Variants in ITGAV observed in about 807,000 individuals in gnomAD.
ITGAV encodes integrin alpha-V.
Under a neutral mutation model 143.8 loss-of-function variants are expected in ITGAV, and 76 were observed. The observed-to-expected ratio is 0.53, with a 90% confidence interval of 0.44 to 0.64. The LOEUF (loss-of-function observed/expected upper bound fraction) is 0.64. Ranked by LOEUF, ITGAV falls within the 30% of genes least tolerant of loss-of-function variation. The pLI is 0.00. For synonymous variants in ITGAV, 453 were observed against 446.7 expected, an observed-to-expected ratio of 1.01 and a Z score of -0.18; for missense variants, 1,193 against 1,274.7, an observed-to-expected ratio of 0.94 and a Z score of 0.98.
At position 186,677,469 on chromosome 2, in the gene ITGAV, A is replaced by G. The variant is rs959164449; in HGVS notation, c.*177A>G. ...ACCTTCTCCTTATAAATAAGTTCAG[A>G]CATACATTTAATAACATAGGGTGAC... On this transcript the variant is annotated 3_prime_UTR_variant, in exon 30 of 30. Coordinates refer to ENST00000261023, the MANE Select transcript of ITGAV (RefSeq NM_002210.5). 1.8e-6 allele frequency: 1 copy of G among 554,304 alleles called. No homozygotes were observed. The allele number at this position is 554,304 out of a possible 1,614,324, so 34.3% of individuals were successfully genotyped here.
chr2:186,615,857 C>G (rs537025533), intron 2 of ITGAV, among the ~76,000 whole-genome samples: 1 of 152,078 alleles, frequency 6.6e-6, no homozygotes, highest in East Asian at 1.9e-4. Flanking sequence ...TTTTGGTTTT[C>G]TAAATCATTG....
rs1202579291 is a variant in ITGAV at position 186,617,098 on chromosome 2, A to T, written c.317-5241A>T. On this transcript the variant is annotated intron_variant, in intron 2 of 29. Transcript: ENST00000261023. ...AATTATTTCATTATTCATAAAAGTCATAGTGATAAATAGGAACCAAGTGAC... is the reference window on the plus strand; with the variant it reads ...AATTATTTCATTATTCATAAAAGTCTTAGTGATAAATAGGAACCAAGTGAC... Among the ~76,000 whole-genome samples, 3 of 151,910 alleles carry T rather than the reference A, an allele frequency of 2.0e-5. No individual in the cohort carries two copies. In the East Asian group the frequency reaches 5.8e-4, roughly 29 times the overall value.
intron 1 of ITGAV, among the ~76,000 whole-genome samples, chr2:186,595,397 G>C (rs1017443152): frequency 1.3e-5 from 2 of 152,180 alleles, no homozygotes; most frequent in African/African-American, 4.8e-5. Flanking sequence ...AGTTTGGATA[G>C]GGAGTGCATC....
At chr2:186,671,642 C>T (rs1020124089) in intron 26 of ITGAV, among the ~76,000 whole-genome samples, 1 of 152,192 alleles carries the variant, frequency 6.6e-6, no homozygotes, top group Admixed American at 6.5e-5. Flanking sequence ...ACAAAATTAA[C>T]CATTTTAATG....
intron 6 of ITGAV, among the ~76,000 whole-genome samples, chr2:186,633,818 T>C (rs1687882514): frequency 6.6e-6 from 1 of 152,090 alleles, no homozygotes; most frequent in Admixed American, 6.6e-5. Context: ...ATTTAAGTCA[T>C]TATTTTATTA....
chr2:186,598,724 C>A (rs935977805), intron 1 of ITGAV, among the ~76,000 whole-genome samples: 4 of 152,136 alleles, frequency 2.6e-5, no homozygotes, highest in African/African-American at 9.7e-5. Context: ...CCACTGTGCC[C>A]AACCTCTTTT....
At chr2:186,658,888 C>G (rs949811050) in intron 17 of ITGAV, 150 bp from the exon 18 acceptor site, 3 of 542,194 alleles carry the variant, frequency 5.5e-6, no homozygotes, top group African/African-American at 1.9e-5. Context: ...TTTGGATATT[C>G]TATTTCTACA....
chr2:186,591,608 TCTA>T (rs1686618332), intron 1 of ITGAV, among the ~76,000 whole-genome samples: 1 of 152,190 alleles, frequency 6.6e-6, no homozygotes, highest in South Asian at 2.1e-4. Flanking sequence ...AGGACCATCT[TCTA>T]CTACACACAT....
At position 186,656,358 on chromosome 2, in the gene ITGAV, G is replaced by C; in HGVS notation, c.1676G>C (p.Arg559Thr). The C allele has an allele frequency of 6.4e-7, 1 of 1,551,796 alleles. No individual in the cohort carries two copies. Among genetic ancestry groups the C allele is most frequent in the South Asian group, 1.2e-5 (1 of 80,130 alleles). The change falls in exon 17 of 30, where the codon AGG becomes ACG. Residue 559 changes from arginine (R) to threonine (T), a missense_variant. Transcript: ENST00000261023. Reference sequence around the variant, plus strand: ...CACTCCAAGAACATGACTATTTCAAGGGGGGGACTGATGCAGTGTGAGGAA... The same window carrying C: ...CACTCCAAGAACATGACTATTTCAACGGGGGGACTGATGCAGTGTGAGGAA... ...PSHSKNMTIS[R>T]GGLMQCEELI...
chr2:186,649,268 T>C (rs1425084429), intron 13 of ITGAV, among the ~76,000 whole-genome samples: 1 of 151,934 alleles, frequency 6.6e-6, no homozygotes, highest in Non-Finnish European at 1.5e-5. Flanking sequence ...AATCTGTTTT[T>C]ATTTTTTTTT....
intron 2 of ITGAV, among the ~76,000 whole-genome samples, chr2:186,615,569 A>G (rs1687330837): frequency 6.6e-6 from 1 of 152,082 alleles, no homozygotes; most frequent in African/African-American, 2.4e-5. Context: ...AATGTTGAAC[A>G]TCTTTTCTTG....
chr2:186,641,904 G>A lies in ITGAV; in HGVS notation c.1159+316G>A, dbSNP rs1468127639. Among the ~76,000 whole-genome samples, 4 of 152,098 alleles carry A rather than the reference G, an allele frequency of 2.6e-5. No individual in the cohort carries two copies. The East Asian group carries it at 7.7e-4, about 29-fold the overall frequency. On this transcript the variant is annotated intron_variant, in intron 12 of 29. Coordinates refer to ENST00000261023, the MANE Select transcript of ITGAV (RefSeq NM_002210.5). Reference sequence around the variant, plus strand: ...TAGCTGGTATGTGTTTCTGCATCCTGCTTAGCAGCAGTGCCCTCTTCTGTT... The same window carrying A: ...TAGCTGGTATGTGTTTCTGCATCCTACTTAGCAGCAGTGCCCTCTTCTGTT...
At chr2:186,644,190 T>G (rs755434284) in intron 12 of ITGAV, among the ~76,000 whole-genome samples, 2 of 152,176 alleles carry the variant, frequency 1.3e-5, no homozygotes, top group Non-Finnish European at 2.9e-5. Context: ...GTGATCTGCC[T>G]GCCTCGGCCT....
rs1301994276 is a variant in ITGAV at position 186,676,864 on chromosome 2, G to T, written c.2980G>T (p.Val994Leu). ...TCAGCCAGCGCCCATGCCTGTGCCT[G>T]TGTGGGTGATCATTTTAGCAGTTCT... ...GIQPAPMPVP[V>L]WVIILAVLAG... Residue 994 changes from valine to leucine, a missense_variant, in exon 29 of 30, where the codon GTG becomes TTG. Physicochemically the swap from Val to Leu is conservative, Grantham distance 32. Coordinates refer to ENST00000261023, the MANE Select transcript of ITGAV (RefSeq NM_002210.5). 1 of 1,614,116 alleles carries T rather than the reference G, an allele frequency of 6.2e-7. No individual in the cohort carries two copies. The highest frequency in any genetic ancestry group is 1.7e-5 in the Admixed American group (1 of 60,016).
intron 3 of ITGAV, 42 bp from the exon 4 acceptor site, chr2:186,625,431 T>G (rs757060089): frequency 2.0e-5 from 27 of 1,358,428 alleles, no homozygotes; most frequent in Non-Finnish European, 2.7e-5. Context: ...ACACTAAATT[T>G]TTAGAAAATC....
At chr2:186,643,662 A>G (rs1464065178) in intron 12 of ITGAV, among the ~76,000 whole-genome samples, 1 of 152,188 alleles carries the variant, frequency 6.6e-6, no homozygotes, top group Non-Finnish European at 1.5e-5. Flanking sequence ...CCAAAATTTT[A>G]TATAGCCCCA....
Position 186,664,481 on chromosome 2 carries a change from T to C in ITGAV, c.1926-13T>C. Reference sequence around the variant, plus strand: ...TTTTTTTCTCAGTCTGGATTTGTATTGTTAACTTGTAGTGATCAAAAGAAG... The same window carrying C: ...TTTTTTTCTCAGTCTGGATTTGTATCGTTAACTTGTAGTGATCAAAAGAAG... On this transcript the variant is annotated splice_polypyrimidine_tract_variant and intron_variant, in intron 19 of 29. Coordinates refer to ENST00000261023, the MANE Select transcript of ITGAV (RefSeq NM_002210.5). 2 of 1,611,730 alleles carry C rather than the reference T, an allele frequency of 1.2e-6. No homozygotes were observed. Among genetic ancestry groups the C allele is most frequent in the South Asian group, 2.2e-5 (2 of 90,672 alleles).
chr2:186,602,412 T>C (rs1019170746), intron 2 of ITGAV, among the ~76,000 whole-genome samples: 3 of 152,170 alleles, frequency 2.0e-5, no homozygotes, highest in Non-Finnish European at 4.4e-5. Context: ...CCCACAGAAA[T>C]TTGGGGTAAA....
At chr2:186,612,162 T>A (rs1353804713) in intron 2 of ITGAV, among the ~76,000 whole-genome samples, 1 of 152,200 alleles carries the variant, frequency 6.6e-6, no homozygotes, top group East Asian at 1.9e-4. Context: ...TTGTGACATT[T>A]GAGAAAATCC....
Sources: gnomAD v4.1 joint callset for allele counts (sites outside exome capture counted in the v4.1 genomes callset) on GRCh38, gnomAD v4.1.1 for gene constraint, MANE v1.5 for transcripts, NCBI Gene and HGNC (gene_info 2026-07-23, HGNC 2026-07-21) for gene names.